The following DDX24 variants were observed in gnomAD, a reference collection of about 807,000 sequenced individuals.
DDX24 encodes the protein ATP-dependent RNA helicase DDX24.
Under a neutral mutation model 68.9 loss-of-function variants are expected in DDX24, and 24 were observed. The observed-to-expected ratio is 0.35, with a 90% confidence interval of 0.25 to 0.49. The LOEUF is 0.49. Among genes scored for constraint, DDX24 ranks in the 20% least tolerant of loss-of-function variants. The pLI, the probability that DDX24 is intolerant of heterozygous loss-of-function variation, is 0.99. For synonymous variants in DDX24, 395 were observed against 385.2 expected (o/e 1.03, Z -0.30); for missense variants, 989 against 1,039.0 (o/e 0.95, Z 0.66).
Position 94,076,028 on chromosome 14 carries a change from C to T in DDX24, c.718+2997G>A, listed in dbSNP as rs577254625. 2.8e-3 allele frequency among the ~76,000 whole-genome samples: 428 copies of T among 152,246 alleles called. 2 individuals carry two copies. The highest frequency in any genetic ancestry group is 9.8e-3 in the African/African-American group (409 of 41,548). The stretch of plus-strand genomic sequence containing the variant: ...TTGAACTCATACCACCTAGTGACAA[C>T]GTAAAATGGTATAATCACTTTGGAA... On this transcript the variant is annotated intron_variant, in intron 2 of 8. Transcript: ENST00000621632.
At chr14:94,072,543 C>T (rs1885853429) in intron 2 of DDX24, among the ~76,000 whole-genome samples, 1 of 152,090 alleles carries the variant, frequency 6.6e-6, no homozygotes, top group Admixed American at 6.5e-5. Flanking sequence ...TCACAAATCA[C>T]CACTAAACTG....
Position 94,062,370 on chromosome 14 carries a change from T to C in DDX24, c.970A>G (p.Thr324Ala), listed in dbSNP as rs188024261. The C allele has an allele frequency of 2.5e-6, 4 of 1,614,222 alleles. No individual in the cohort carries two copies. The highest frequency in any genetic ancestry group is 4.5e-5 in the East Asian group (2 of 44,892). The change falls in exon 3 of 9, where the codon ACT becomes GCT. Residue 324 changes from threonine to alanine, a missense_variant. Thr to Ala is a moderately conservative substitution (Grantham distance 58). Around this residue, in one of 3 missense-constraint regions of DDX24, gnomAD observed 691 missense variants for 760.0 expected, o/e 0.91. Coordinates refer to ENST00000621632, the MANE Select transcript of DDX24 (RefSeq NM_020414.4). ...AAGAGCAACGCCTGGTCTGAGACAG[T>C]GCCTCCAGTCTTGGCTCTGGCCTCG... is the stretch of plus-strand genomic sequence containing the variant. Reference protein sequence around the residue: ...AAEARAKTGGTVSDQALLFGD... With the variant: ...AAEARAKTGGAVSDQALLFGD...
chr14:94,054,957 A>G (rs747410972), intron 7 of DDX24, 39 bp downstream of exon 7: 2 of 1,600,666 alleles, frequency 1.2e-6, no homozygotes, highest in Non-Finnish European at 1.7e-6. Context: ...GGAGCAGCAC[A>G]ATCCCTTCAT....
chr14:94,072,792 G>GC (rs1474284572), intron 2 of DDX24, among the ~76,000 whole-genome samples: 1 of 152,116 alleles, frequency 6.6e-6, no homozygotes, highest in Non-Finnish European at 1.5e-5. Flanking sequence ...TAGCACTACT[G>GC]CACTCCAGCC....
intron 2 of DDX24, among the ~76,000 whole-genome samples, chr14:94,070,395 C>T (rs1230713321): frequency 6.6e-6 from 1 of 152,196 alleles, no homozygotes; most frequent in Non-Finnish European, 1.5e-5. Context: ...ATCCCACGCT[C>T]ATGGATGGGT....
intron 2 of DDX24, among the ~76,000 whole-genome samples, chr14:94,064,900 A>C (rs1207103810): frequency 6.6e-6 from 1 of 152,130 alleles, no homozygotes; most frequent in African/African-American, 2.4e-5. Context: ...TGAGCCCTTA[A>C]CCTGTAAGGA....
chr14:94,081,009 C>T (rs761718751), intron 1 of DDX24, 110 bp downstream of exon 1: 1 of 152,280 alleles, frequency 6.6e-6, no homozygotes, highest in Non-Finnish European at 1.5e-5. Context: ...CGGCCGCCCT[C>T]TCTGGACCCG....
chr14:94,077,398 T>C (rs543602007), intron 2 of DDX24, among the ~76,000 whole-genome samples: 14 of 152,366 alleles, frequency 9.2e-5, no homozygotes, highest in African/African-American at 2.9e-4. Context: ...ATAAACCTTG[T>C]TTCTGCCTTC....
chr14:94,061,077 G>A lies in DDX24; in HGVS notation c.1244-11C>T, dbSNP rs945662877. The A allele has an allele frequency of 5.6e-6, 9 of 1,613,186 alleles. No homozygotes were observed. Among genetic ancestry groups the A allele is most frequent in the Non-Finnish European group, 6.8e-6 (8 of 1,179,560 alleles). Reference sequence around the variant, plus strand: ...TAGCAGTTTTAATTCCTATGGGACAGAAAACATAAGGGACACTTATTCAAT... The same window carrying A: ...TAGCAGTTTTAATTCCTATGGGACAAAAAACATAAGGGACACTTATTCAAT... On this transcript the variant is annotated splice_polypyrimidine_tract_variant and intron_variant, in intron 3 of 8. Coordinates refer to ENST00000621632, the MANE Select transcript of DDX24 (RefSeq NM_020414.4).
chr14:94,060,632 C>T lies in DDX24; in HGVS notation c.1398-19G>A. 6.2e-7 allele frequency: 1 copy of T among 1,607,616 alleles called. No homozygotes were observed. Among genetic ancestry groups the T allele is most frequent in the African/African-American group, 1.3e-5 (1 of 74,674 alleles). On this transcript the variant is annotated intron_variant, in intron 4 of 8. Coordinates refer to ENST00000621632, the MANE Select transcript of DDX24 (RefSeq NM_020414.4). ...CAGGCACCTGCAGATCCAGAGAGAC[C>T]CATATCATTGGTCAGCAGCGGGTTA...
chr14:94,051,600 G>A, intron 8 of DDX24, 138 bp from the exon 9 acceptor site: 2 of 1,179,814 alleles, frequency 1.7e-6, no homozygotes, highest in Non-Finnish European at 2.3e-6. Flanking sequence ...GAAGAAGCTA[G>A]TGGTGGCTTG....
chr14:94,050,906 A>C lies in DDX24; in HGVS notation c.*285T>G. ...TATCTAAAAAAAAAAAAAAAAAATC[A>C]GGATGACACAATGGCTCTGACCATT... On this transcript the variant is annotated 3_prime_UTR_variant, in exon 9 of 9. Coordinates refer to ENST00000621632, the MANE Select transcript of DDX24 (RefSeq NM_020414.4). 8.9e-6 allele frequency: 3 copies of C among 338,352 alleles called. No homozygotes were observed. The highest frequency in any genetic ancestry group is 1.1e-5 in the Non-Finnish European group (2 of 189,690). The allele number at this position is 338,352 out of a possible 1,614,324, so 21.0% of individuals were successfully genotyped here. A position where few individuals can be genotyped will look rare whatever the true frequency, so the allele number is the denominator to read the frequency against.
intron 2 of DDX24, among the ~76,000 whole-genome samples, chr14:94,073,108 T>TA (rs1179344281): frequency 6.3e-5 from 9 of 143,006 alleles, no homozygotes; most frequent in Non-Finnish European, 9.0e-5. Context: ...TTTTTTGAGA[T>TA]AGAGTCTCAC....
In DDX24 at chr14:94,060,140, T is replaced by C; in HGVS notation, c.1871A>G (p.Lys624Arg). 1 of 1,613,956 alleles carries C rather than the reference T, an allele frequency of 6.2e-7. No individual in the cohort carries two copies. Among genetic ancestry groups the C allele is most frequent in the Non-Finnish European group, 8.5e-7 (1 of 1,179,816 alleles). The change falls in exon 5 of 9, where the codon AAG becomes AGG. Residue 624 changes from lysine to arginine, a missense_variant. Coordinates refer to ENST00000621632, the MANE Select transcript of DDX24 (RefSeq NM_020414.4). The stretch of plus-strand genomic sequence containing the variant: ...CTGCTCCAGGTTTCTGAGCCTCTGC[T>C]TCTGGTGCATACAGGCATGCAGGGT... ...PLTLHACMHQ[K>R]QRLRNLEQFA...
chr14:94,073,637 A>T (rs114261455), intron 2 of DDX24, among the ~76,000 whole-genome samples: 1,555 of 152,298 alleles, frequency 0.01, 31 homozygotes, highest in African/African-American at 0.035. Flanking sequence ...CATTTAGAGG[A>T]TATAATAATA....
chr14:94,058,917 T>C (rs1885540206), intron 5 of DDX24, among the ~76,000 whole-genome samples: 1 of 152,208 alleles, frequency 6.6e-6, no homozygotes, highest in Admixed American at 6.5e-5. Context: ...TGGGTCTTGC[T>C]GTGTTCCAGT....
In DDX24 at chr14:94,060,448, A is replaced by G. The variant is rs139130977; in HGVS notation, c.1563T>C (p.Leu521=). The part of the protein sequence containing the change: ...TLVHQAPARI[L]HKKHTKKMDK... ...CCATTTTCTTGGTGTGCTTCTTATG[A>G]AGGATTCGAGCAGGAGCCTGATGCA... Residue 521 remains leucine (L), a synonymous_variant, in exon 5 of 9, where the codon CTT becomes CTC. Coordinates refer to ENST00000621632, the MANE Select transcript of DDX24 (RefSeq NM_020414.4). 2.6e-4 allele frequency: 414 copies of G among 1,614,066 alleles called. No individual in the cohort carries two copies. The highest frequency in any genetic ancestry group is 3.5e-4 in the Non-Finnish European group (413 of 1,180,044).
intron 5 of DDX24, among the ~76,000 whole-genome samples, 197 bp downstream of exon 5, chr14:94,059,901 G>T (rs551788430): frequency 6.6e-6 from 1 of 151,854 alleles, no homozygotes; most frequent in Non-Finnish European, 1.5e-5. Flanking sequence ...GTTTCTGTAT[G>T]GCATTTAACT....
chr14:94,051,635 C>T, intron 8 of DDX24, 173 bp from the exon 9 acceptor site: 2 of 728,154 alleles, frequency 2.7e-6, no homozygotes, highest in Non-Finnish European at 4.3e-6. Flanking sequence ...TGGATAACGT[C>T]TAACCATTTG....
Sources: gnomAD v4.1 joint callset for allele counts (sites outside exome capture counted in the v4.1 genomes callset) on GRCh38, gnomAD v4.1.1 for gene constraint, gnomAD v4.1.1 regional missense constraint, MANE v1.5 for transcripts, NCBI Gene and HGNC (gene_info 2026-07-23, HGNC 2026-07-21) for gene names.